Variants in BCAT1 observed in about 807,000 individuals in gnomAD.
The protein encoded by BCAT1 is branched-chain-amino-acid aminotransferase, cytosolic.
A neutral mutation model predicts 52.4 loss-of-function variants in BCAT1; 48 were observed. The ratio of observed to expected loss-of-function variants is 0.92; its 90% CI spans 0.73 to 1.16. The LOEUF (loss-of-function observed/expected upper bound fraction) is 1.16, where lower values mean the gene tolerates loss of function less well. Ranked by LOEUF, BCAT1 falls within the 50% of genes most tolerant of loss-of-function variation. BCAT1 has a pLI of 0.00. For missense variants in BCAT1, 451 were observed against 457.1 expected (o/e 0.99, Z 0.12); for synonymous variants, 167 against 161.3 (o/e 1.04, Z -0.27).
intron 10 of BCAT1, among the ~76,000 whole-genome samples, chr12:24,824,636 C>T (rs1940306016): frequency 6.6e-6 from 1 of 151,972 alleles, no homozygotes; most frequent in African/African-American, 2.4e-5. Flanking sequence ...AAGAGGTAAC[C>T]CTGAAATCTT....
intron 5 of BCAT1, among the ~76,000 whole-genome samples, chr12:24,860,953 C>T (rs529281883): frequency 3.4e-4 from 52 of 152,252 alleles, no homozygotes; most frequent in African/African-American, 1.2e-3. Flanking sequence ...AAAAAGCCTA[C>T]GTGGCAAATA....
intron 1 of BCAT1, among the ~76,000 whole-genome samples, chr12:24,914,627 GA>G (rs1943379762): frequency 6.6e-6 from 1 of 152,240 alleles, no homozygotes; most frequent in Admixed American, 6.5e-5. Flanking sequence ...AGTAGCTTCA[GA>G]TTGCAGTGGC....
chr12:24,922,762 C>T (rs1017678896), intron 1 of BCAT1, among the ~76,000 whole-genome samples: 5 of 150,854 alleles, frequency 3.3e-5, no homozygotes, highest in African/African-American at 1.2e-4. Flanking sequence ...CCCAGCTACT[C>T]GGGAGGCTGA....
chr12:24,855,240 T>C (rs952822241), intron 5 of BCAT1, among the ~76,000 whole-genome samples: 8 of 139,000 alleles, frequency 5.8e-5, no homozygotes, highest in African/African-American at 1.9e-4. Flanking sequence ...AGACCACAGA[T>C]AACGAGGGAA....
At chr12:24,860,401 T>C (rs549437095) in intron 5 of BCAT1, among the ~76,000 whole-genome samples, 4 of 152,368 alleles carry the variant, frequency 2.6e-5, no homozygotes, top group Admixed American at 2.6e-4. Flanking sequence ...AAACCTTTTT[T>C]TTTGAGCTAT....
chr12:24,949,112 T>A (rs1943983849), upstream of BCAT1: 1 of 604,220 alleles, frequency 1.7e-6, no homozygotes, highest in African/African-American at 1.9e-5. Context: ...AGACCGGCCC[T>A]CTCGCGGCGG....
chr12:24,901,883 A>T lies in BCAT1; in HGVS notation c.9T>A (p.Asp3Glu), dbSNP rs774442710. The T allele has an allele frequency of 3.1e-6, 5 of 1,613,872 alleles. No homozygotes were observed. The African/African-American group carries it at 6.7e-5, about 22-fold the overall frequency. The change falls in exon 2 of 11, where the codon GAT becomes GAA. Residue 3 changes from aspartate (D) to glutamate (E), a missense_variant and splice_region_variant. Coordinates refer to ENST00000261192, the MANE Select transcript of BCAT1 (RefSeq NM_005504.7). ...ACTCTGCGGAGCATCCGTTACTGCA[A>T]TCCTTAAAGAAGAATTAAACCACCA... MK[D>E]CSNGCSAECT...
chr12:24,867,089 C>T (rs1288591006), intron 5 of BCAT1, among the ~76,000 whole-genome samples: 1 of 151,840 alleles, frequency 6.6e-6, no homozygotes, highest in Non-Finnish European at 1.5e-5. Flanking sequence ...CCAGACATGC[C>T]GCCTTAAGAG....
intron 1 of BCAT1, among the ~76,000 whole-genome samples, chr12:24,919,026 A>C (rs1004416049): frequency 1.3e-5 from 2 of 152,202 alleles, no homozygotes; most frequent in Non-Finnish European, 2.9e-5. Flanking sequence ...TACTCAATAA[A>C]TTGATTGAAT....
intron 1 of BCAT1, among the ~76,000 whole-genome samples, chr12:24,906,768 C>G (rs1382517524): frequency 6.6e-6 from 1 of 152,108 alleles, no homozygotes. Context: ...AGCAGTTGTC[C>G]CTCAAATGCA....
chr12:24,897,639 C>A (rs1476823591), intron 2 of BCAT1, among the ~76,000 whole-genome samples: 2 of 152,094 alleles, frequency 1.3e-5, no homozygotes, highest in African/African-American at 4.8e-5. Flanking sequence ...CTGCAACCTC[C>A]GCCTCCCAGG....
At chr12:24,857,586 C>T (rs1288195312) in intron 5 of BCAT1, among the ~76,000 whole-genome samples, 1 of 152,168 alleles carries the variant, frequency 6.6e-6, no homozygotes, top group East Asian at 1.9e-4. Flanking sequence ...TTTCTTGCCA[C>T]TCTTGATGCC....
chr12:24,923,134 C>A lies in BCAT1; in HGVS notation c.7-21249G>T, dbSNP rs1307551834. On this transcript the variant is annotated intron_variant, in intron 1 of 10. Coordinates refer to ENST00000261192, the MANE Select transcript of BCAT1 (RefSeq NM_005504.7). ...TAGCACATCCTAAAATTCCAGACTCCCAGAAGGAAGCAGATGTTCAGCAGA... is the reference window on the plus strand; with the variant it reads ...TAGCACATCCTAAAATTCCAGACTCACAGAAGGAAGCAGATGTTCAGCAGA... Among the ~76,000 whole-genome samples the A allele has an allele frequency of 2.6e-5, 4 of 152,082 alleles. No homozygotes were observed. The East Asian group carries it at 7.7e-4, about 29-fold the overall frequency.
chr12:24,810,583 A>G lies in BCAT1; in HGVS notation c.*7425T>C, dbSNP rs1939649589. 1 of 152,208 alleles carries G rather than the reference A, an allele frequency of 6.6e-6. No individual in the cohort carries two copies. The highest frequency in any genetic ancestry group is 2.4e-5 in the African/African-American group (1 of 41,450). 9.4% of individuals were successfully genotyped at this position (152,208 alleles called of 1,614,324 possible). The stretch of plus-strand genomic sequence containing the variant: ...TCACGCTTGTGGGAATTGAGCGTTG[A>G]CACTGTAAGAACACTTGACTAATAA... On this transcript the variant is annotated 3_prime_UTR_variant, in exon 11 of 11. Transcript: ENST00000261192.
chr12:24,829,314 G>A (rs1477653575), intron 10 of BCAT1, among the ~76,000 whole-genome samples: 2 of 152,078 alleles, frequency 1.3e-5, no homozygotes, highest in Non-Finnish European at 2.9e-5. Context: ...AACCCGGGAG[G>A]CAGAGGTTGC....
At chr12:24,818,182 A>T in intron 10 of BCAT1, 133 bp from the exon 11 acceptor site, 1 of 803,762 alleles carries the variant, frequency 1.2e-6, no homozygotes, top group East Asian at 2.6e-5. Context: ...CACATTAAAC[A>T]TGTTCACATT....
intron 3 of BCAT1, among the ~76,000 whole-genome samples, chr12:24,887,080 A>AAAATATATATATATATAT (rs1245203518): frequency 4.9e-5 from 2 of 40,746 alleles, no homozygotes; most frequent in Non-Finnish European, 1.0e-4. Flanking sequence ...AAAAAAAAAA[A>AAAATATATATATATATAT]ATATATATAT....
At chr12:24,908,838 T>C (rs1041979768) in intron 1 of BCAT1, among the ~76,000 whole-genome samples, 1 of 152,240 alleles carries the variant, frequency 6.6e-6, no homozygotes, top group African/African-American at 2.4e-5. Flanking sequence ...AGTCCCTTGG[T>C]TGAGATTCGT....
At chr12:24,834,658 T>C (rs1407445402) in intron 8 of BCAT1, 2 of 994,532 alleles carry the variant, frequency 2.0e-6, no homozygotes, top group East Asian at 1.1e-4. Flanking sequence ...TAAGTAGATT[T>C]GGAAGAGCAG....
Sources: gnomAD v4.1 joint callset for allele counts (sites outside exome capture counted in the v4.1 genomes callset) on GRCh38, gnomAD v4.1.1 for gene constraint, MANE v1.5 for transcripts, NCBI Gene and HGNC (gene_info 2026-07-23, HGNC 2026-07-21) for gene names.